The following CCNB3 variants were observed in gnomAD, a reference collection of about 807,000 sequenced individuals.
The protein encoded by CCNB3 is cyclin B3.
A neutral mutation model predicts 68.0 loss-of-function variants in CCNB3; 12 were observed. The ratio of observed to expected loss-of-function variants is 0.18; its 90% CI spans 0.11 to 0.29. The LOEUF (loss-of-function observed/expected upper bound fraction) is 0.29. Ranked by LOEUF, CCNB3 falls within the 10% of genes least tolerant of loss-of-function variation. The pLI, the probability that CCNB3 is intolerant of heterozygous loss-of-function variation, is 1.00. For missense variants in CCNB3, 904 were observed against 993.1 expected (o/e 0.91, Z 1.21); for synonymous variants, 354 against 388.9 (o/e 0.91, Z 1.06).
intron 5 of CCNB3, among the ~76,000 whole-genome samples, chrX:50,296,175 C>G (rs190060697): frequency 2.1e-3 from 224 of 108,535 alleles, no homozygotes; most frequent in African/African-American, 6.5e-3. Context: ...TACATGTGCA[C>G]AACGTGCAGG....
At chrX:50,213,122 T>C (rs1935508707) in intron 1 of CCNB3, among the ~76,000 whole-genome samples, 1 of 79,261 alleles carries the variant, frequency 1.3e-5, no homozygotes. Flanking sequence ...ATATGTTATC[T>C]CTGTTCCACA....
rs150192296 is a variant in CCNB3 at position 50,338,612 on chromosome X, G to A, written c.3517-3590G>A. ...TTAACTACCAGGCCTGGAATGCAGC[G>A]CCAGGCTGTCTGACTACTGATTTCA... On this transcript the variant is annotated intron_variant, in intron 8 of 12. Transcript: ENST00000376042. Among the ~76,000 whole-genome samples the A allele has an allele frequency of 3.8e-3, 429 of 112,069 alleles. 3 individuals carry two copies. Among genetic ancestry groups the A allele is most frequent in the African/African-American group, 0.013 (405 of 30,902 alleles).
chrX:50,204,523 G>A (rs1935317917), upstream of CCNB3: 1 of 109,002 alleles, frequency 9.2e-6, no homozygotes, highest in South Asian at 4.1e-4. Flanking sequence ...GCGCGCGCGT[G>A]TGTGTGTGTG....
At chrX:50,313,076 G>A (rs950555694) in intron 7 of CCNB3, among the ~76,000 whole-genome samples, 6 of 111,172 alleles carry the variant, frequency 5.4e-5, no homozygotes, top group African/African-American at 2.0e-4. Context: ...AGGCAAAATC[G>A]TATTCTTTGT....
At chrX:50,350,853 G>A (rs1923643600) in intron 11 of CCNB3, among the ~76,000 whole-genome samples, 2 of 109,476 alleles carry the variant, frequency 1.8e-5, no homozygotes, top group African/African-American at 3.3e-5. Context: ...ACACCACCAT[G>A]CCCAGATAAT....
rs782764236 is a variant in CCNB3, at chrX:50,309,658, A to G, written c.1489A>G (p.Thr497Ala). 8.3e-7 allele frequency: 1 copy of G among 1,210,813 alleles called. No individual in the cohort carries two copies. The change falls in exon 6 of 13, where the codon ACT becomes GCT. Residue 497 changes from threonine (T) to alanine (A), a missense_variant. Coordinates refer to ENST00000376042, the MANE Select transcript of CCNB3 (RefSeq NM_033031.3). ...TTTAATTTTAAAGAGGAAGCATGCC[A>G]CTCAGGGGACAATGTCCCACTTGAA... ...KPLILKRKHA[T>A]QGTMSHLKKP...
At chrX:50,300,804 C>T (rs1316401418) in intron 5 of CCNB3, among the ~76,000 whole-genome samples, 3 of 111,729 alleles carry the variant, frequency 2.7e-5, no homozygotes, top group African/African-American at 9.8e-5. Context: ...TTCACATAGT[C>T]CCATATTTCT....
chrX:50,226,997 A>C (rs1476813544), intron 1 of CCNB3, among the ~76,000 whole-genome samples: 2 of 78,173 alleles, frequency 2.6e-5, no homozygotes, highest in South Asian at 1.2e-3. Flanking sequence ...TAGAATATAT[A>C]AATATATAGA....
chrX:50,308,976 G>C lies in CCNB3; in HGVS notation c.807G>C (p.Lys269Asn). The change falls in exon 6 of 13, where the codon AAG becomes AAC. Residue 269 changes from lysine to asparagine, a missense_variant. By Grantham distance (94) the Lys-to-Asn change is moderately conservative. This residue lies in a region of CCNB3 where 619 missense variants were observed against 609.8 expected (regional missense o/e 1.02). Transcript: ENST00000376042. ...DSFFMESMSFKKKPKTEESIP... is the reference protein window; with the variant it reads ...DSFFMESMSFNKKPKTEESIP... ...TCTTTATGGAGTCAATGAGTTTTAA[G>C]AAGAAGCCTAAAACTGAGGAGTCAA... 8.3e-7 allele frequency: 1 copy of C among 1,210,725 alleles called. No homozygotes were observed. Among genetic ancestry groups the C allele is most frequent in the Non-Finnish European group, 1.1e-6 (1 of 894,748 alleles).
intron 8 of CCNB3, among the ~76,000 whole-genome samples, chrX:50,322,334 T>G (rs1227154613): frequency 9.0e-6 from 1 of 111,161 alleles, no homozygotes; most frequent in Non-Finnish European, 1.9e-5. Context: ...GGATTCCCTA[T>G]TTAATAAATG....
chrX:50,317,131 G>A (rs147905222), intron 8 of CCNB3, among the ~76,000 whole-genome samples: 113 of 112,301 alleles, frequency 1.0e-3, no homozygotes, highest in Non-Finnish European at 3.0e-4. Context: ...TCTAATAGGT[G>A]TATAGAGGAA....
chrX:50,311,576 T>G (rs920024035), intron 6 of CCNB3, 80 bp downstream of exon 6: 71 of 765,615 alleles, frequency 9.3e-5, no homozygotes, highest in Non-Finnish European at 1.1e-4. Flanking sequence ...AGTTGTTTTT[T>G]TTTTTTTGTT....
chrX:50,222,264 C>T (rs1392048189), intron 1 of CCNB3, among the ~76,000 whole-genome samples: 7 of 111,375 alleles, frequency 6.3e-5, no homozygotes, highest in Non-Finnish European at 1.1e-4. Context: ...AGCCCGTTTA[C>T]ATTTAAGGTT....
intron 1 of CCNB3, among the ~76,000 whole-genome samples, chrX:50,210,951 G>A (rs1439254194): frequency 2.0e-4 from 22 of 111,382 alleles, no homozygotes; most frequent in African/African-American, 6.9e-4. Context: ...TGGAACATCT[G>A]ACAAAATAAC....
At chrX:50,346,883 G>A in intron 10 of CCNB3, 76 bp downstream of exon 10, 1 of 1,043,453 alleles carries the variant, frequency 9.6e-7, no homozygotes. Context: ...GCTGCCTTGA[G>A]TGGTAGGAAA....
At chrX:50,279,661 A>AAC (rs1281645560) in intron 1 of CCNB3, among the ~76,000 whole-genome samples, 1 of 84,235 alleles carries the variant, frequency 1.2e-5, no homozygotes, top group African/African-American at 4.1e-5. Flanking sequence ...CATCTATGTA[A>AAC]ATATATGAAT....
chrX:50,351,384 C>T lies in CCNB3; in HGVS notation c.4091+13C>T, dbSNP rs925305623. 8.3e-7 allele frequency: 1 copy of T among 1,209,081 alleles called. No individual in the cohort carries two copies. Among genetic ancestry groups the T allele is most frequent in the Non-Finnish European group, 1.1e-6 (1 of 893,966 alleles). On this transcript the variant is annotated intron_variant, in intron 12 of 12. Coordinates refer to ENST00000376042, the MANE Select transcript of CCNB3 (RefSeq NM_033031.3). ...AGTATTCTCACCCGTAAGTACTAAG[C>T]CCCGGATGAGGTTGGGTTTGTGTTC...
chrX:50,351,383 G>A lies in CCNB3; in HGVS notation c.4091+12G>A. The A allele has an allele frequency of 8.3e-7, 1 of 1,209,696 alleles. No homozygotes were observed. The highest frequency in any genetic ancestry group is 1.8e-5 in the South Asian group (1 of 56,765). Reference sequence around the variant, plus strand: ...AAGTATTCTCACCCGTAAGTACTAAGCCCCGGATGAGGTTGGGTTTGTGTT... The same window carrying A: ...AAGTATTCTCACCCGTAAGTACTAAACCCCGGATGAGGTTGGGTTTGTGTT... On this transcript the variant is annotated intron_variant, in intron 12 of 12. Transcript: ENST00000376042.
intron 5 of CCNB3, among the ~76,000 whole-genome samples, chrX:50,304,348 A>C (rs1936712772): frequency 8.9e-6 from 1 of 111,861 alleles, no homozygotes; most frequent in Non-Finnish European, 1.9e-5. Flanking sequence ...TTTTAGAATC[A>C]GCTTGTCACA....
Sources: allele counts gnomAD v4.1 joint callset (sites outside exome capture counted in the v4.1 genomes callset), GRCh38; gene constraint gnomAD v4.1.1; regional missense constraint gnomAD v4.1.1; transcripts MANE v1.5; gene names NCBI Gene and HGNC (gene_info 2026-07-23, HGNC 2026-07-21).